MECOM: variants seen among roughly 807,000 people sequenced by gnomAD.
MECOM encodes histone-lysine N-methyltransferase MECOM.
In MECOM, 13 loss-of-function variants were observed where a neutral mutation model predicts 116.3. The ratio of observed to expected loss-of-function variants is 0.11; its 90% CI spans 0.07 to 0.18. MECOM has a LOEUF of 0.18. Among genes scored for constraint, MECOM ranks in the 10% least tolerant of loss-of-function variants. MECOM has a pLI of 1.00. For synonymous variants in MECOM, 528 were observed against 535.2 expected, an observed-to-expected ratio of 0.99 and a Z score of 0.19; for missense variants, 1,299 against 1,509.0, an observed-to-expected ratio of 0.86 and a Z score of 2.31.
intron 2 of MECOM, among the ~76,000 whole-genome samples, chr3:169,166,551 T>G (rs1034083691): frequency 6.6e-6 from 1 of 152,166 alleles, no homozygotes; most frequent in Non-Finnish European, 1.5e-5. Flanking sequence ...AGGGAGTGAA[T>G]AGCAATCATG....
chr3:169,573,602 A>C (rs1242553612), intron 1 of MECOM, among the ~76,000 whole-genome samples: 1 of 152,168 alleles, frequency 6.6e-6, no homozygotes, highest in Non-Finnish European at 1.5e-5. Context: ...AGCGGATTTC[A>C]TCCCATTTTA....
chr3:169,241,236 G>A (rs1439514644), intron 2 of MECOM, among the ~76,000 whole-genome samples: 1 of 152,046 alleles, frequency 6.6e-6, no homozygotes, highest in African/African-American at 2.4e-5. Flanking sequence ...AGGGGAGAAC[G>A]TAAATTTGTG....
At chr3:169,416,976 A>C (rs920198722) in intron 1 of MECOM, among the ~76,000 whole-genome samples, 2 of 152,238 alleles carry the variant, frequency 1.3e-5, no homozygotes, top group Non-Finnish European at 2.9e-5. Context: ...TTAAAGACTT[A>C]AACGTTAGAC....
intron 2 of MECOM, among the ~76,000 whole-genome samples, chr3:169,362,443 C>A (rs900891156): frequency 1.3e-5 from 2 of 151,876 alleles, no homozygotes; most frequent in Non-Finnish European, 2.9e-5. Flanking sequence ...TGGCACCCAG[C>A]CCAGTTTTCA....
intron 6 of MECOM, 129 bp from the exon 7 acceptor site, chr3:169,121,338 T>A: frequency 1.1e-6 from 1 of 938,200 alleles, no homozygotes; most frequent in Non-Finnish European, 1.5e-6. Flanking sequence ...ACCAAAAGTG[T>A]ACTCTCCTCT....
At chr3:169,223,838 C>T (rs1752412869) in intron 2 of MECOM, among the ~76,000 whole-genome samples, 1 of 152,154 alleles carries the variant, frequency 6.6e-6, no homozygotes, top group Non-Finnish European at 1.5e-5. Flanking sequence ...GGACCGTGAG[C>T]CCCTCTATTC....
Position 169,085,007 on chromosome 3 carries a change from A to G in MECOM, c.3622T>C (p.Ser1208Pro), listed in dbSNP as rs979988402. The change falls in exon 17 of 17, where the codon TCC becomes CCC. Residue 1208 changes from serine to proline, a missense_variant. Physicochemically the swap from Ser to Pro is moderately conservative, Grantham distance 74 (BLOSUM62 -1). Transcript: ENST00000651503. ...GAACTGTGGGATGTAGAATGGAGGG[A>G]CTCCTTGTCAGACAGTGACAGCATC... ...AMMLSLSDKE[S>P]LHSTSHSSSN... The G allele has an allele frequency of 9.3e-6, 15 of 1,613,928 alleles. No individual in the cohort carries two copies. The highest frequency in any genetic ancestry group is 1.3e-5 in the Non-Finnish European group (15 of 1,179,990).
At chr3:169,249,971 G>A (rs1447459326) in intron 2 of MECOM, among the ~76,000 whole-genome samples, 1 of 152,052 alleles carries the variant, frequency 6.6e-6, no homozygotes, top group East Asian at 1.9e-4. Flanking sequence ...ATTTTTATTG[G>A]TACTTACATT....
intron 1 of MECOM, among the ~76,000 whole-genome samples, chr3:169,547,919 G>T (rs947275020): frequency 1.3e-5 from 2 of 152,080 alleles, no homozygotes; most frequent in African/African-American, 4.8e-5. Context: ...GCACACAATA[G>T]ACTCGCCTCA....
At chr3:169,523,325 T>A (rs1757573991) in intron 1 of MECOM, among the ~76,000 whole-genome samples, 2 of 152,080 alleles carry the variant, frequency 1.3e-5, no homozygotes, top group South Asian at 4.2e-4. Flanking sequence ...TTTCTCCAGA[T>A]TTTACAACCT....
At chr3:169,096,077 A>G (rs1053037369) in intron 12 of MECOM, among the ~76,000 whole-genome samples, 2 of 152,164 alleles carry the variant, frequency 1.3e-5, no homozygotes, top group African/African-American at 4.8e-5. Context: ...TCCTTTAGTC[A>G]TAAAATGAAA....
intron 2 of MECOM, among the ~76,000 whole-genome samples, chr3:169,318,180 C>A (rs1434729099): frequency 6.6e-6 from 1 of 152,098 alleles, no homozygotes; most frequent in Non-Finnish European, 1.5e-5. Flanking sequence ...AGAAGAAAGC[C>A]TAGGCAATAC....
intron 1 of MECOM, among the ~76,000 whole-genome samples, chr3:169,388,132 C>A (rs1191411105): frequency 1.3e-5 from 2 of 152,036 alleles, no homozygotes; most frequent in East Asian, 1.9e-4. Flanking sequence ...CAAAGCCCCA[C>A]TAGGGACCTC....
rs574641846 is a variant in MECOM at position 169,540,141 on chromosome 3, T to G, written c.37+123195A>C. The stretch of plus-strand genomic sequence containing the variant: ...TCATTTTCCAGCTGCCTCTTGGATA[T>G]CTCCCAGATGTTCTGTAGGCACCTA... On this transcript the variant is annotated intron_variant, in intron 1 of 16. Coordinates refer to ENST00000651503, the MANE Select transcript of MECOM (RefSeq NM_004991.4). 1.6e-3 allele frequency among the ~76,000 whole-genome samples: 251 copies of G among 152,282 alleles called. 4 individuals carry two copies. In the Middle Eastern group the frequency reaches 0.017, roughly 10 times the overall value.
At chr3:169,404,962 A>C (rs1359582320) in intron 1 of MECOM, among the ~76,000 whole-genome samples, 1 of 152,148 alleles carries the variant, frequency 6.6e-6, no homozygotes, top group Admixed American at 6.5e-5. Flanking sequence ...TCTTTGACAC[A>C]CAGATCCAGG....
chr3:169,176,773 A>C (rs983018775), intron 2 of MECOM, among the ~76,000 whole-genome samples: 2 of 152,182 alleles, frequency 1.3e-5, no homozygotes, highest in Admixed American at 1.3e-4. Context: ...ATTTACAAGA[A>C]AAAAACAAAC....
At chr3:169,527,226 T>C (rs1214803179) in intron 1 of MECOM, among the ~76,000 whole-genome samples, 1 of 152,182 alleles carries the variant, frequency 6.6e-6, no homozygotes, top group African/African-American at 2.4e-5. Context: ...GGAATTCCTG[T>C]TAGCAGAGGG....
At chr3:169,176,143 CA>C (rs72232009) in intron 2 of MECOM, among the ~76,000 whole-genome samples, 13,214 of 140,846 alleles carry the variant, frequency 0.094, 620 homozygotes, top group South Asian at 0.21. Flanking sequence ...ACATACACAC[CA>C]AAAAAAAAAA....
At chr3:169,606,328 G>A (rs6444866) in intron 1 of MECOM, among the ~76,000 whole-genome samples, 13,790 of 151,052 alleles carry the variant, frequency 0.091, 773 homozygotes, top group African/African-American at 0.14. Flanking sequence ...CAGGAGAATC[G>A]CTTGAACTCA....
Sources: gnomAD v4.1 joint callset for allele counts (sites outside exome capture counted in the v4.1 genomes callset) on GRCh38, gnomAD v4.1.1 for gene constraint, MANE v1.5 for transcripts, NCBI Gene and HGNC (gene_info 2026-07-23, HGNC 2026-07-21) for gene names.